The following GLIPR2 variants were observed in gnomAD, a reference collection of about 807,000 sequenced individuals.
GLIPR2 encodes the protein GLI pathogenesis related 2.
Under a neutral mutation model 20.4 loss-of-function variants are expected in GLIPR2, and 21 were observed. The ratio of observed to expected loss-of-function variants is 1.03; its 90% CI spans 0.73 to 1.48. The LOEUF is 1.48. Ranked by LOEUF, GLIPR2 falls within the 40% of genes most tolerant of loss-of-function variation. The probability of loss-of-function intolerance (pLI) is 0.00; values close to 1 mark genes in which losing one functional copy is unlikely to be tolerated. For missense variants in GLIPR2, 205 were observed against 200.1 expected, an observed-to-expected ratio of 1.02 and a Z score of -0.15; for synonymous variants, 91 against 80.5, an observed-to-expected ratio of 1.13 and a Z score of -0.70.
At chr9:36,136,679 G>A (rs1466288476), upstream of GLIPR2, 7 of 900,176 alleles carry the variant, frequency 7.8e-6, no homozygotes, top group Non-Finnish European at 1.0e-5. The surrounding 1 kb of genome is among the most constrained non-coding windows in gnomAD (Gnocchi z 4.3). Context: ...CCGGAGGAGG[G>A]GCCGCGGCAT....
chr9:36,140,542 G>A (rs527703715), intron 1 of GLIPR2, among the ~76,000 whole-genome samples: 3 of 152,286 alleles, frequency 2.0e-5, no homozygotes, highest in Admixed American at 1.3e-4. Flanking sequence ...TAGGCAGGCA[G>A]GGCTGGAAAA....
chr9:36,161,754 G>T (rs1039019923), intron 4 of GLIPR2, among the ~76,000 whole-genome samples: 1 of 152,220 alleles, frequency 6.6e-6, no homozygotes, highest in African/African-American at 2.4e-5. Flanking sequence ...TGGGGACAGG[G>T]TTAGACACAG....
chr9:36,137,128 C>T (rs1025389020), intron 1 of GLIPR2, among the ~76,000 whole-genome samples: 3 of 152,212 alleles, frequency 2.0e-5, no homozygotes, highest in African/African-American at 7.2e-5. Context: ...GACAACAGCT[C>T]TCGCTGCGAA....
chr9:36,140,290 G>T (rs1825016116), intron 1 of GLIPR2, among the ~76,000 whole-genome samples: 1 of 152,188 alleles, frequency 6.6e-6, no homozygotes, highest in Admixed American at 6.5e-5. Flanking sequence ...GAGGCCTTTA[G>T]GGACCAACGA....
intron 1 of GLIPR2, among the ~76,000 whole-genome samples, chr9:36,143,252 G>C (rs1438254140): frequency 6.6e-6 from 1 of 152,070 alleles, no homozygotes; most frequent in Non-Finnish European, 1.5e-5. Context: ...CTACTCCTCT[G>C]TCTCCCCCTC....
chr9:36,149,589 G>A (rs559741687), intron 3 of GLIPR2, among the ~76,000 whole-genome samples: 7 of 152,282 alleles, frequency 4.6e-5, no homozygotes, highest in East Asian at 3.9e-4. Flanking sequence ...TTCCAGCCTC[G>A]CACAGCCTCC....
chr9:36,151,121 A>G, intron 4 of GLIPR2, 172 bp downstream of exon 4: 2 of 607,430 alleles, frequency 3.3e-6, no homozygotes, highest in Non-Finnish European at 6.0e-6. Context: ...TCCTTTCCGC[A>G]TTACATCCCC....
At chr9:36,147,281 G>A (rs1182542895) in intron 1 of GLIPR2, among the ~76,000 whole-genome samples, 3 of 152,184 alleles carry the variant, frequency 2.0e-5, no homozygotes, top group Non-Finnish European at 2.9e-5. Context: ...CCAGCCAGGA[G>A]GCCTCTTTCT....
At chr9:36,150,747 G>C in intron 3 of GLIPR2, 125 bp from the exon 4 acceptor site, 1 of 681,548 alleles carries the variant, frequency 1.5e-6, no homozygotes, top group East Asian at 2.6e-5. Flanking sequence ...TGTGTCAGCT[G>C]ACTGGGGCTT....
chr9:36,136,892 G>C lies in GLIPR2; in HGVS notation c.13+101G>C, dbSNP rs563463107. 1.3e-4 allele frequency: 162 copies of C among 1,206,268 alleles called. 1 individual carries two copies. The African/African-American group carries it at 2.2e-3, about 17-fold the overall frequency. The allele number at this position is 1,206,268 out of a possible 1,614,324, so 74.7% of individuals were successfully genotyped here. A position where few individuals can be genotyped will look rare whatever the true frequency, so the allele number is the denominator to read the frequency against. ...CCGCAAGCCAGGTCCTGGGGAGTGC[G>C]GGAGCCCGGGGTGCGGGTGGAGGGC... is the stretch of plus-strand genomic sequence containing the variant. On this transcript the variant is annotated intron_variant, in intron 1 of 4. Transcript: ENST00000377960. This position sits in a 1 kb window ranked among gnomAD's most constrained non-coding sequence, Gnocchi z 4.3.
upstream of GLIPR2, chr9:36,136,688 A>G (rs984829786): frequency 3.5e-4 from 337 of 974,176 alleles, 1 homozygote; most frequent in Non-Finnish European, 4.0e-4. This position sits in a 1 kb window ranked among gnomAD's most constrained non-coding sequence, Gnocchi z 4.3. Flanking sequence ...GGGCCGCGGC[A>G]TCAGCCCGGT....
chr9:36,162,591 C>G lies in GLIPR2; in HGVS notation c.*69C>G, dbSNP rs1242533974. 6.7e-7 allele frequency: 1 copy of G among 1,490,490 alleles called. No homozygotes were observed. The highest frequency in any genetic ancestry group is 9.2e-7 in the Non-Finnish European group (1 of 1,085,446). The allele number at this position is 1,490,490 out of a possible 1,614,324, so 92.3% of individuals were successfully genotyped here. ...TATGAAGTGCCTAGAACCACCACAACCTGGCTGTGCGTCTGTCCCTGTGGG... is the reference window on the plus strand; with the variant it reads ...TATGAAGTGCCTAGAACCACCACAAGCTGGCTGTGCGTCTGTCCCTGTGGG... On this transcript the variant is annotated 3_prime_UTR_variant, in exon 5 of 5. Coordinates refer to ENST00000377960, the MANE Select transcript of GLIPR2 (RefSeq NM_022343.4).
chr9:36,136,828 G>T lies in GLIPR2; in HGVS notation c.13+37G>T. 1 of 1,276,842 alleles carries T rather than the reference G, an allele frequency of 7.8e-7. No individual in the cohort carries two copies. Among genetic ancestry groups the T allele is most frequent in the South Asian group, 2.5e-5 (1 of 39,380 alleles). The allele number at this position is 1,276,842 out of a possible 1,614,324, so 79.1% of individuals were successfully genotyped here. ...GGCTCGCCCGCTGCGGAATGGTTCG[G>T]AACCCCGCGCTCCCGGACCTCGCCG... is the stretch of plus-strand genomic sequence containing the variant. On this transcript the variant is annotated intron_variant, in intron 1 of 4. Transcript: ENST00000377960. The surrounding 1 kb of genome is among the most constrained non-coding windows in gnomAD (Gnocchi z 4.3).
intron 2 of GLIPR2, 81 bp downstream of exon 2, chr9:36,147,975 C>T (rs1271715009): frequency 1.3e-5 from 10 of 776,576 alleles, no homozygotes; most frequent in South Asian, 6.7e-5. Flanking sequence ...TGGCCAGGCA[C>T]GATGGCTCAC....
At chr9:36,156,814 G>A (rs553761825) in intron 4 of GLIPR2, among the ~76,000 whole-genome samples, 2 of 152,144 alleles carry the variant, frequency 1.3e-5, no homozygotes, top group Admixed American at 1.3e-4. Context: ...ATCTGAGGTG[G>A]AACAGTTTCA....
chr9:36,140,330 T>C (rs2132709727), intron 1 of GLIPR2, among the ~76,000 whole-genome samples: 1 of 152,324 alleles, frequency 6.6e-6, no homozygotes, highest in Non-Finnish European at 1.5e-5. Flanking sequence ...AGTGGGACCC[T>C]CAGGCCTCTG....
rs764395021 is a variant in GLIPR2, at chr9:36,162,510, G to A, written c.453G>A (p.Pro151=). ...NEGFFEENVL[P]PKK is the part of the protein sequence containing the mutation. ...GCTTCTTCGAAGAAAACGTCCTGCC[G>A]CCGAAGAAGTAACTTGTTAAATGTA... is the stretch of plus-strand genomic sequence containing the variant. The change falls in exon 5 of 5, where the codon CCG becomes CCA. Residue 151 remains proline, a synonymous_variant. Coordinates refer to ENST00000377960, the MANE Select transcript of GLIPR2 (RefSeq NM_022343.4). 1.4e-5 allele frequency: 22 copies of A among 1,614,154 alleles called. No individual in the cohort carries two copies. Among genetic ancestry groups the A allele is most frequent in the Middle Eastern group, 3.3e-4 (2 of 6,062 alleles).
At chr9:36,141,782 T>C (rs1825096020) in intron 1 of GLIPR2, 1 of 453,026 alleles carries the variant, frequency 2.2e-6, no homozygotes, top group Non-Finnish European at 4.4e-6. Flanking sequence ...GTCTCCCGAG[T>C]AGCTGGGACC....
chr9:36,148,065 T>G (rs747008636), intron 2 of GLIPR2, among the ~76,000 whole-genome samples, 171 bp downstream of exon 2: 1 of 152,158 alleles, frequency 6.6e-6, no homozygotes, highest in Non-Finnish European at 1.5e-5. Context: ...CTGGCCAATA[T>G]GGTGAAACCT....
Sources: gnomAD v4.1 joint callset for allele counts (sites outside exome capture counted in the v4.1 genomes callset) on GRCh38, gnomAD v4.1.1 for gene constraint, Gnocchi (gnomAD v3.1) non-coding constraint, MANE v1.5 for transcripts, NCBI Gene and HGNC (gene_info 2026-07-23, HGNC 2026-07-21) for gene names.